The following SOX6 variants were observed in gnomAD, a reference collection of about 807,000 sequenced individuals.
SOX6 encodes the protein SRY-box transcription factor 6.
A neutral mutation model predicts 97.8 loss-of-function variants in SOX6; 11 were observed. The observed-to-expected ratio is 0.11, with a 90% CI of 0.07 to 0.19. The LOEUF is 0.19. Ranked by LOEUF, SOX6 falls within the 10% of genes least tolerant of loss-of-function variation. The probability of loss-of-function intolerance (pLI) is 1.00; values close to 1 mark genes in which losing one functional copy is unlikely to be tolerated. For synonymous variants in SOX6, 360 were observed against 371.4 expected, an observed-to-expected ratio of 0.97 and a Z score of 0.35; for missense variants, 810 against 1,039.5, an observed-to-expected ratio of 0.78 and a Z score of 3.04.
At chr11:16,409,829 T>TA (rs61513166) in intron 1 of SOX6, among the ~76,000 whole-genome samples, 134,046 of 149,640 alleles carry the variant, frequency 0.9, 60,012 homozygotes, top group East Asian at 1. Context: ...TTCCTCGGTT[T>TA]AAAAAAAAAA....
At chr11:16,005,784 T>C (rs1420704059) in intron 13 of SOX6, among the ~76,000 whole-genome samples, 3 of 152,016 alleles carry the variant, frequency 2.0e-5, no homozygotes, top group African/African-American at 7.2e-5. Context: ...TTTTTCCAGG[T>C]CTGAGACTTG....
chr11:16,640,191 T>C (rs1284542601), intron 3 of SOX6, among the ~76,000 whole-genome samples: 2 of 152,240 alleles, frequency 1.3e-5, no homozygotes, highest in East Asian at 3.8e-4. Context: ...TCTTTGGTTC[T>C]GTTTATACGC....
At chr11:15,989,869 A>G (rs1853992963) in intron 13 of SOX6, among the ~76,000 whole-genome samples, 1 of 152,184 alleles carries the variant, frequency 6.6e-6, no homozygotes, top group Admixed American at 6.5e-5. Context: ...AAGGACAGAC[A>G]ATTATAACAA....
rs138550168 is a variant in SOX6 at position 16,156,455 on chromosome 11, T to C, written c.777+27431A>G. ...TATCCACCTGATAATGATTCCTAAA[T>C]CTGTATTTCTAACCCAGACTCCATT... On this transcript the variant is annotated intron_variant, in intron 6 of 15. Transcript: ENST00000683767. Among the ~76,000 whole-genome samples the C allele has an allele frequency of 7.9e-5, 12 of 152,154 alleles. No homozygotes were observed. The East Asian group carries it at 2.1e-3, about 27-fold the overall frequency.
At chr11:16,132,444 AAAAG>A (rs59652288) in intron 6 of SOX6, among the ~76,000 whole-genome samples, 427 of 27,176 alleles carry the variant, frequency 0.016, 34 homozygotes, top group African/African-American at 0.028. Context: ...AAAGAAAGAA[AAAAG>A]AAAGAAAGAA....
chr11:16,395,005 CT>C (rs1358568292), intron 1 of SOX6, among the ~76,000 whole-genome samples: 1 of 151,860 alleles, frequency 6.6e-6, no homozygotes, highest in East Asian at 1.9e-4. Context: ...GCACCCCAAT[CT>C]TAGAGCATCA....
At chr11:16,500,665 A>C (rs567424845) in intron 4 of SOX6, among the ~76,000 whole-genome samples, 1 of 152,218 alleles carries the variant, frequency 6.6e-6, no homozygotes, top group Non-Finnish European at 1.5e-5. Context: ...TATACCAATA[A>C]CAAACAAACA....
At chr11:16,214,995 A>G (rs11023874) in intron 4 of SOX6, among the ~76,000 whole-genome samples, 72,546 of 151,810 alleles carry the variant, frequency 0.48, 17,500 homozygotes, top group South Asian at 0.61. Flanking sequence ...TGATCAGCTG[A>G]CCTCGGCCTC....
chr11:16,300,809 C>A lies in SOX6; in HGVS notation c.445+17637G>T, dbSNP rs1266472927. Among the ~76,000 whole-genome samples the A allele has an allele frequency of 6.6e-6, 1 of 152,126 alleles. No individual in the cohort carries two copies. Among genetic ancestry groups the A allele is most frequent in the Non-Finnish European group, 1.5e-5 (1 of 68,028 alleles). ...AAGAAGAATACAGAGTTTTCTTTGG[C>A]CATTAAATGTTAAAGCCTGTGGGTT... On this transcript the variant is annotated intron_variant, in intron 3 of 15. Coordinates refer to ENST00000683767, the MANE Select transcript of SOX6 (RefSeq NM_001367873.1). The surrounding 1 kb of genome is among the most constrained non-coding windows in gnomAD (Gnocchi z 4.1).
At chr11:16,115,404 G>T (rs1849322527) in intron 6 of SOX6, among the ~76,000 whole-genome samples, 1 of 152,102 alleles carries the variant, frequency 6.6e-6, no homozygotes, top group South Asian at 2.1e-4. Flanking sequence ...CTTTAGTGTG[G>T]ATCACAGTCA....
chr11:16,453,972 T>C (rs1468302508), intron 1 of SOX6, among the ~76,000 whole-genome samples: 1 of 152,106 alleles, frequency 6.6e-6, no homozygotes, highest in Non-Finnish European at 1.5e-5. Context: ...TATAAGTGAA[T>C]TGGGAATTGG....
intron 3 of SOX6, among the ~76,000 whole-genome samples, chr11:16,636,627 A>G (rs1361327788): frequency 6.6e-6 from 1 of 152,152 alleles, no homozygotes; most frequent in Non-Finnish European, 1.5e-5. Flanking sequence ...GCAAAATGAT[A>G]TGGATTGGCT....
chr11:16,433,068 T>C (rs539783279), intron 1 of SOX6, among the ~76,000 whole-genome samples: 1 of 152,178 alleles, frequency 6.6e-6, no homozygotes, highest in African/African-American at 2.4e-5. Flanking sequence ...ATTCTCTCCC[T>C]ATAGAAACCT....
intron 3 of SOX6, among the ~76,000 whole-genome samples, chr11:16,273,364 G>A (rs1402347461): frequency 6.6e-6 from 1 of 151,744 alleles, no homozygotes; most frequent in Non-Finnish European, 1.5e-5. Flanking sequence ...AATAATATAG[G>A]GAAAGTGAAC....
At chr11:16,208,056 C>T (rs1256633114) in intron 4 of SOX6, among the ~76,000 whole-genome samples, 1 of 152,102 alleles carries the variant, frequency 6.6e-6, no homozygotes, top group Non-Finnish European at 1.5e-5. Context: ...AGGATTATTT[C>T]TACTAAAGGT....
At chr11:16,143,994 A>G (rs1850220563) in intron 6 of SOX6, among the ~76,000 whole-genome samples, 1 of 152,216 alleles carries the variant, frequency 6.6e-6, no homozygotes, top group Non-Finnish European at 1.5e-5. Context: ...GCTCTGCACC[A>G]GGCGGACCTA....
rs1305409285 is a variant in SOX6 at position 16,726,292 on chromosome 11, C to T, written n.353+10047G>A. ...GGTGTGGTGGTGCACGCCTGTAATC[C>T]CAGCTACCCAGCTACGCAGGAGGCT... On this transcript the variant is annotated intron_variant and non_coding_transcript_variant, in intron 2 of 5. Transcript: ENST00000524520. Among the ~76,000 whole-genome samples the T allele has an allele frequency of 3.3e-5, 5 of 152,288 alleles. No homozygotes were observed. The East Asian group carries it at 9.6e-4, about 29-fold the overall frequency.
At chr11:16,525,918 T>A (rs968213072) in intron 4 of SOX6, among the ~76,000 whole-genome samples, 1 of 152,012 alleles carries the variant, frequency 6.6e-6, no homozygotes, top group Non-Finnish European at 1.5e-5. Flanking sequence ...GAAATGCAAA[T>A]CAAAACCACA....
At chr11:16,594,606 A>G (rs964309850) in intron 4 of SOX6, among the ~76,000 whole-genome samples, 2 of 151,646 alleles carry the variant, frequency 1.3e-5, no homozygotes, top group African/African-American at 2.4e-5. Context: ...TCAATTGATT[A>G]ATATGCTGTT....
Sources: allele counts gnomAD v4.1 joint callset (sites outside exome capture counted in the v4.1 genomes callset), GRCh38; gene constraint gnomAD v4.1.1; non-coding constraint Gnocchi (gnomAD v3.1); transcripts MANE v1.5; gene names NCBI Gene and HGNC (gene_info 2026-07-23, HGNC 2026-07-21).